Variants in AFG2A observed in about 807,000 individuals in gnomAD.
AFG2A encodes the protein AAA ATPase AFG2A.
At chr4:123,232,778 A>G in the AFG2A span, among the ~76,000 whole-genome samples, 1 of 152,148 alleles carries the variant, frequency 6.6e-6, no homozygotes, top group East Asian at 1.9e-4. Flanking sequence ...GTCGTGGCAG[A>G]ATGAGGTGGG....
chr4:123,196,547 CAT>C, the AFG2A span, among the ~76,000 whole-genome samples: 6 of 151,838 alleles, frequency 4.0e-5, no homozygotes, highest in Admixed American at 6.6e-5. Flanking sequence ...TTTTTTTCCA[CAT>C]GAGACCATTA....
At chr4:122,948,327 G>A in the AFG2A span, among the ~76,000 whole-genome samples, 4 of 149,332 alleles carry the variant, frequency 2.7e-5, no homozygotes, top group Non-Finnish European at 5.9e-5. Context: ...TAGGGGTCCT[G>A]GAACAAATAC....
the AFG2A span, among the ~76,000 whole-genome samples, chr4:123,239,057 C>T: frequency 7.9e-5 from 12 of 151,844 alleles, no homozygotes; most frequent in African/African-American, 2.7e-4. Context: ...CTTCAGTAGC[C>T]AATTCAATCA....
chr4:123,039,054 T>C, the AFG2A span, among the ~76,000 whole-genome samples: 3 of 152,074 alleles, frequency 2.0e-5, no homozygotes, highest in Admixed American at 1.3e-4. Flanking sequence ...GAGAAAAAAA[T>C]CATGAAATGA....
At chr4:122,981,860 C>T in the AFG2A span, among the ~76,000 whole-genome samples, 93 of 151,086 alleles carry the variant, frequency 6.2e-4, no homozygotes, top group Non-Finnish European at 1.2e-3. Flanking sequence ...TTGTATCCTG[C>T]CAATTTACTG....
chr4:123,080,738 T>G, the AFG2A span, among the ~76,000 whole-genome samples: 6,169 of 152,234 alleles, frequency 0.041, 408 homozygotes, highest in African/African-American at 0.14. Flanking sequence ...AGTTAAAGTT[T>G]TTTTCATCCG....
the AFG2A span, among the ~76,000 whole-genome samples, chr4:123,000,842 T>G: frequency 1.3e-5 from 1 of 76,150 alleles, no homozygotes; most frequent in African/African-American, 3.4e-5. Flanking sequence ...GAGGATTCCC[T>G]CTTTTTCTAT....
chr4:123,224,897 G>T, the AFG2A span, among the ~76,000 whole-genome samples: 2 of 152,028 alleles, frequency 1.3e-5, no homozygotes, highest in African/African-American at 4.8e-5. Context: ...TATAATGATC[G>T]CCATTCTAAC....
the AFG2A span, among the ~76,000 whole-genome samples, chr4:122,991,375 G>C: frequency 6.6e-6 from 1 of 152,236 alleles, no homozygotes; most frequent in Non-Finnish European, 1.5e-5. Context: ...GCTTCCTGGA[G>C]GATGAGAGAC....
At chr4:122,968,646 A>G in the AFG2A span, among the ~76,000 whole-genome samples, 1 of 152,254 alleles carries the variant, frequency 6.6e-6, no homozygotes, top group South Asian at 2.1e-4. Flanking sequence ...ATTCTTGCAC[A>G]TGCCTTTTGC....
At chr4:123,075,640 G>A in the AFG2A span, among the ~76,000 whole-genome samples, 2 of 151,928 alleles carry the variant, frequency 1.3e-5, no homozygotes, top group Non-Finnish European at 2.9e-5. Flanking sequence ...TGAGCTGTGA[G>A]CACTTAAAAA....
At chr4:123,010,453 A>G in the AFG2A span, among the ~76,000 whole-genome samples, 1 of 152,060 alleles carries the variant, frequency 6.6e-6, no homozygotes, top group South Asian at 2.1e-4. Context: ...TGTCAGTTTT[A>G]TTCATTTTTG....
At chr4:123,019,808 A>G in the AFG2A span, among the ~76,000 whole-genome samples, 1 of 152,202 alleles carries the variant, frequency 6.6e-6, no homozygotes, top group African/African-American at 2.4e-5. Context: ...TACAGTCTCT[A>G]GGACAAATCC....
At chr4:122,980,497 C>T in the AFG2A span, among the ~76,000 whole-genome samples, 1,848 of 152,208 alleles carry the variant, frequency 0.012, 43 homozygotes, top group African/African-American at 0.041. Flanking sequence ...TGAGATACTT[C>T]ATTTCCTTTT....
the AFG2A span, among the ~76,000 whole-genome samples, chr4:123,035,870 A>C: frequency 6.6e-6 from 1 of 152,146 alleles, no homozygotes; most frequent in Non-Finnish European, 1.5e-5. Context: ...TAATTTTATA[A>C]GGAATTTTAT....
At chr4:123,031,946 T>C in the AFG2A span, among the ~76,000 whole-genome samples, 1 of 152,216 alleles carries the variant, frequency 6.6e-6, no homozygotes, top group East Asian at 1.9e-4. Flanking sequence ...TAAGTTTAGT[T>C]TGTTATCTGG....
At chr4:123,102,837 T>TGG in the AFG2A span, among the ~76,000 whole-genome samples, 1 of 148,546 alleles carries the variant, frequency 6.7e-6, no homozygotes, top group South Asian at 2.1e-4. Context: ...TGTGTGTGTG[T>TGG]GGTGTCAAAA....
At chr4:123,247,666 G>A in the AFG2A span, among the ~76,000 whole-genome samples, 29 of 152,084 alleles carry the variant, frequency 1.9e-4, no homozygotes, top group Non-Finnish European at 2.8e-4. Flanking sequence ...GAGCTCAAGC[G>A]ATCTGCCTGC....
At chr4:123,097,794 A>G in the AFG2A span, among the ~76,000 whole-genome samples, 5 of 152,192 alleles carry the variant, frequency 3.3e-5, no homozygotes, top group Admixed American at 2.0e-4. Flanking sequence ...TTCGATGTTC[A>G]TAAGATAAAG....
Sources: gnomAD v4.1 joint callset for allele counts (sites outside exome capture counted in the v4.1 genomes callset) on GRCh38, gnomAD v4.1.1 for gene constraint, MANE v1.5 for transcripts, NCBI Gene and HGNC (gene_info 2026-07-23, HGNC 2026-07-21) for gene names.